The following RNF170 variants were observed in gnomAD, a reference collection of about 807,000 sequenced individuals.
RNF170 encodes ring finger protein 170.
A neutral mutation model predicts 32.7 loss-of-function variants in RNF170; 12 were observed. That is an observed-to-expected ratio of 0.37 (90% CI 0.24 to 0.60). The LOEUF (loss-of-function observed/expected upper bound fraction) is 0.60, where lower values mean the gene tolerates loss of function less well. Among genes scored for constraint, RNF170 ranks in the 20% least tolerant of loss-of-function variants. The probability of loss-of-function intolerance (pLI) is 0.72; values close to 1 mark genes in which losing one functional copy is unlikely to be tolerated. For synonymous variants in RNF170, 91 were observed against 103.6 expected, an observed-to-expected ratio of 0.88 and a Z score of 0.74; for missense variants, 212 against 311.2, an observed-to-expected ratio of 0.68 and a Z score of 2.40.
At chr8:42,873,462 G>C (rs1052393362) in intron 3 of RNF170, among the ~76,000 whole-genome samples, 9 of 151,856 alleles carry the variant, frequency 5.9e-5, no homozygotes, top group Admixed American at 2.6e-4. Flanking sequence ...CTGGTAAAAA[G>C]CAAAGAACAA....
chr8:42,869,759 T>C (rs753324613), intron 4 of RNF170, among the ~76,000 whole-genome samples: 1 of 152,230 alleles, frequency 6.6e-6, no homozygotes, highest in Admixed American at 6.5e-5. Flanking sequence ...GGAAGCTGAA[T>C]AGTTTCTTTA....
At chr8:42,851,939 A>G (rs1031937850), downstream of RNF170, among the ~76,000 whole-genome samples, 4 of 152,182 alleles carry the variant, frequency 2.6e-5, no homozygotes, top group Non-Finnish European at 5.9e-5. Flanking sequence ...TCCTCGCTTG[A>G]GCATTTAAAT....
intron 5 of RNF170, among the ~76,000 whole-genome samples, chr8:42,864,028 G>A (rs1445009194): frequency 6.7e-6 from 1 of 148,668 alleles, no homozygotes; most frequent in Non-Finnish European, 1.5e-5. Flanking sequence ...TTCCACCCAC[G>A]GGTAAGTGGA....
chr8:42,876,830 T>C (rs191346518), intron 2 of RNF170, among the ~76,000 whole-genome samples: 4 of 152,058 alleles, frequency 2.6e-5, no homozygotes, highest in Admixed American at 1.3e-4. Flanking sequence ...CTAATTTTTG[T>C]ATTTTTACTA....
At position 42,856,514 on chromosome 8, in the gene RNF170, A is replaced by AT. The variant is rs1803254984; in HGVS notation, c.508-87dup. 3 of 966,544 alleles carry AT rather than the reference A, an allele frequency of 3.1e-6. No homozygotes were observed. In the East Asian group the frequency reaches 7.7e-5, roughly 25 times the overall value. The allele number at this position is 966,544 out of a possible 1,614,324, so 59.9% of individuals were successfully genotyped here. A position where few individuals can be genotyped will look rare whatever the true frequency, so the allele number is the denominator to read the frequency against. ...TATAATTTTCTTACTATATGTAAAC[A>AT]TTGTTAAGATGAATTAAGGAGTTAC... On this transcript the variant is annotated intron_variant, in intron 6 of 6. Transcript: ENST00000527424.
upstream of RNF170, chr8:42,896,685 C>T (rs1383468859): frequency 2.4e-6 from 1 of 418,680 alleles, no homozygotes. Context: ...CCGCAGCCTC[C>T]AGGGCGGAGC....
chr8:42,867,394 C>T (rs1409234429), intron 4 of RNF170, among the ~76,000 whole-genome samples: 1 of 148,768 alleles, frequency 6.7e-6, no homozygotes, highest in Non-Finnish European at 1.5e-5. Context: ...TTGCTTGAAC[C>T]TGGGAGGTGG....
At chr8:42,862,215 A>G (rs1161328407) in intron 5 of RNF170, among the ~76,000 whole-genome samples, 1 of 152,226 alleles carries the variant, frequency 6.6e-6, no homozygotes, top group Non-Finnish European at 1.5e-5. Context: ...TCACTTTAAG[A>G]CAGAAAAATT....
chr8:42,864,074 T>C (rs370078350), intron 5 of RNF170, among the ~76,000 whole-genome samples: 1 of 149,092 alleles, frequency 6.7e-6, no homozygotes, highest in African/African-American at 2.5e-5. Flanking sequence ...GTGTGAACAT[T>C]CCACCCATGG....
At chr8:42,890,789 GC>G (rs1318538118) in intron 1 of RNF170, among the ~76,000 whole-genome samples, 3 of 152,130 alleles carry the variant, frequency 2.0e-5, no homozygotes, top group Non-Finnish European at 4.4e-5. Flanking sequence ...ATCTACTAAT[GC>G]CATTTGACCT....
intron 2 of RNF170, among the ~76,000 whole-genome samples, chr8:42,880,351 G>C (rs995351754): frequency 6.6e-6 from 1 of 152,194 alleles, no homozygotes; most frequent in Non-Finnish European, 1.5e-5. Flanking sequence ...TGGGAGGACT[G>C]ACTCCAGTTT....
intron 1 of RNF170, among the ~76,000 whole-genome samples, chr8:42,894,238 G>A (rs1404457405): frequency 6.6e-6 from 1 of 152,158 alleles, no homozygotes; most frequent in East Asian, 1.9e-4. Context: ...ATGCAGCCAA[G>A]CTTGAAAAAG....
chr8:42,869,752 AG>A (rs1374753756), intron 4 of RNF170, among the ~76,000 whole-genome samples: 1 of 152,242 alleles, frequency 6.6e-6, no homozygotes, highest in East Asian at 1.9e-4. Flanking sequence ...TTTATGGGGA[AG>A]CTGAATAGTT....
chr8:42,890,306 C>T (rs1228287741), intron 1 of RNF170, among the ~76,000 whole-genome samples: 2 of 142,858 alleles, frequency 1.4e-5, no homozygotes, highest in Admixed American at 1.4e-4. Flanking sequence ...GAGACGGAGT[C>T]TTGCTCTGTC....
At chr8:42,865,167 G>A (rs941187661) in intron 5 of RNF170, among the ~76,000 whole-genome samples, 2 of 151,810 alleles carry the variant, frequency 1.3e-5, no homozygotes, top group Non-Finnish European at 2.9e-5. Context: ...TAAGGTGGAA[G>A]GATTGCTTGG....
At chr8:42,853,286 A>G, downstream of RNF170, 2 of 1,137,164 alleles carry the variant, frequency 1.8e-6, no homozygotes, top group South Asian at 3.4e-5. Flanking sequence ...AAACAGAAAA[A>G]TAACACCTTT....
chr8:42,874,274 C>A (rs908018930), intron 2 of RNF170, among the ~76,000 whole-genome samples: 2 of 152,154 alleles, frequency 1.3e-5, no homozygotes, highest in Non-Finnish European at 2.9e-5. Flanking sequence ...TGGAAGCTTA[C>A]AAGTAATGTA....
upstream of RNF170, chr8:42,897,042 C>G (rs1806994585): frequency 1.9e-6 from 2 of 1,026,558 alleles, no homozygotes; most frequent in African/African-American, 3.4e-5. Flanking sequence ...GGCCTGAGGC[C>G]GAGTCAGCTG....
At chr8:42,869,608 A>G (rs1215870607) in intron 4 of RNF170, among the ~76,000 whole-genome samples, 5 of 152,172 alleles carry the variant, frequency 3.3e-5, no homozygotes, top group Non-Finnish European at 1.5e-5. Flanking sequence ...CAGGTTCTTG[A>G]GAGAAGAACC....
Sources: allele counts gnomAD v4.1 joint callset (sites outside exome capture counted in the v4.1 genomes callset), GRCh38; gene constraint gnomAD v4.1.1; transcripts MANE v1.5; gene names NCBI Gene and HGNC (gene_info 2026-07-23, HGNC 2026-07-21).